CSRP2: variants seen among roughly 807,000 people sequenced by gnomAD.
The protein encoded by CSRP2 is cysteine and glycine-rich protein 2.
Under a neutral mutation model 24.6 loss-of-function variants are expected in CSRP2, and 18 were observed. That is an observed-to-expected ratio of 0.73 (90% CI 0.51 to 1.09). The LOEUF (loss-of-function observed/expected upper bound fraction) is 1.09, where lower values mean the gene tolerates loss of function less well. Ranked by LOEUF, CSRP2 falls within the 50% of genes least tolerant of loss-of-function variation. CSRP2 has a pLI of 0.00. For missense variants in CSRP2, 215 were observed against 239.4 expected, an observed-to-expected ratio of 0.90 and a Z score of 0.67; for synonymous variants, 87 against 84.3, an observed-to-expected ratio of 1.03 and a Z score of -0.18.
intron 1 of CSRP2, among the ~76,000 whole-genome samples, chr12:76,873,974 AG>A (rs1953827312): frequency 6.6e-6 from 1 of 152,224 alleles, no homozygotes; most frequent in South Asian, 2.1e-4. Flanking sequence ...TTCATAAGCC[AG>A]GTACTGGGTT....
chr12:76,877,257 T>C (rs1953861690), intron 1 of CSRP2, among the ~76,000 whole-genome samples: 1 of 152,248 alleles, frequency 6.6e-6, no homozygotes, highest in Non-Finnish European at 1.5e-5. Flanking sequence ...ATTCTTGCTG[T>C]TTTAGGATAA....
Position 76,863,178 on chromosome 12 carries a change from C to T in CSRP2, c.279G>A (p.Glu93=), listed in dbSNP as rs1257215487. Residue 93 remains glutamate (E), a splice_region_variant and synonymous_variant, in exon 3 of 6, where the codon GAG becomes GAA. Coordinates refer to ENST00000311083, the MANE Select transcript of CSRP2 (RefSeq NM_001321.3). ...TAACCAACGGTCTCCCAACTCACCT[C>T]TCTGGTTTGATGCCCAGCCTCTCGC... ...DRGERLGIKP[E]SVQPHRPTTN... 6.2e-7 allele frequency: 1 copy of T among 1,612,028 alleles called. No individual in the cohort carries two copies. Among genetic ancestry groups the T allele is most frequent in the African/African-American group, 1.3e-5 (1 of 74,894 alleles).
At chr12:76,861,343 C>A (rs889907452) in intron 3 of CSRP2, 1 of 135,178 alleles carries the variant, frequency 7.4e-6, no homozygotes, top group African/African-American at 2.8e-5. Flanking sequence ...ATAGCAAGAC[C>A]CTGTCTATAT....
chr12:76,866,853 C>T (rs533431404), intron 1 of CSRP2, among the ~76,000 whole-genome samples: 52 of 152,164 alleles, frequency 3.4e-4, no homozygotes, highest in Non-Finnish European at 1.6e-4. Flanking sequence ...GTCTGTGACT[C>T]GTACAACTGC....
chr12:76,877,033 GA>G (rs1388016003), intron 1 of CSRP2, among the ~76,000 whole-genome samples: 4 of 152,228 alleles, frequency 2.6e-5, no homozygotes, highest in Non-Finnish European at 5.9e-5. Flanking sequence ...GTTGAGGTGT[GA>G]ATTTGGTCCT....
chr12:76,873,005 GA>G (rs1470895256), intron 1 of CSRP2, among the ~76,000 whole-genome samples: 1 of 152,162 alleles, frequency 6.6e-6, no homozygotes, highest in African/African-American at 2.4e-5. Flanking sequence ...TCTTACTTTA[GA>G]ATCAGAATGA....
Position 76,875,308 on chromosome 12 carries a change from T to G in CSRP2, c.-2+3630A>C, listed in dbSNP as rs190239428. ...GAAGGAAAACTCTCTTCTAATCTAG[T>G]GAACACTCCTGTGTGTACCTCAGCC... On this transcript the variant is annotated intron_variant, in intron 1 of 5. Transcript: ENST00000311083. 5.9e-5 allele frequency among the ~76,000 whole-genome samples: 9 copies of G among 152,324 alleles called. No individual in the cohort carries two copies. The East Asian group carries it at 1.7e-3, about 29-fold the overall frequency.
At chr12:76,877,046 C>T (rs1299101922) in intron 1 of CSRP2, among the ~76,000 whole-genome samples, 1 of 152,238 alleles carries the variant, frequency 6.6e-6, no homozygotes, top group African/African-American at 2.4e-5. Flanking sequence ...TTTGGTCCTG[C>T]CTGGCTTCGT....
intron 2 of CSRP2, 45 bp downstream of exon 2, chr12:76,866,102 CTG>C: frequency 7.0e-7 from 1 of 1,422,960 alleles, no homozygotes; most frequent in Non-Finnish European, 9.9e-7. Flanking sequence ...TATTGAAGCT[CTG>C]TACATACAAA....
intron 2 of CSRP2, chr12:76,863,827 A>ACC (rs201726327): frequency 0.16 from 24,659 of 152,772 alleles, 2,260 homozygotes; most frequent in Non-Finnish European, 0.2. Flanking sequence ...TCACAACCTA[A>ACC]TACAGAACAG....
In CSRP2 at chr12:76,863,193, C is replaced by T. The variant is rs746387233; in HGVS notation, c.264G>A (p.Leu88=). The T allele has an allele frequency of 3.9e-5, 63 of 1,613,258 alleles. No homozygotes were observed. The highest frequency in any genetic ancestry group is 5.0e-5 in the Non-Finnish European group (59 of 1,179,452). Residue 88 remains leucine, a synonymous_variant, in exon 3 of 6, where the codon CTG becomes CTA. Coordinates refer to ENST00000311083, the MANE Select transcript of CSRP2 (RefSeq NM_001321.3). The part of the protein sequence containing the change: ...GTLNMDRGER[L]GIKPESVQPH... ...CAACTCACCTCTCTGGTTTGATGCC[C>T]AGCCTCTCGCCACGGTCCATGTTAA... is the stretch of plus-strand genomic sequence containing the variant.
At chr12:76,878,838 G>T (rs993434717) in intron 1 of CSRP2, 100 bp downstream of exon 1, 1 of 152,262 alleles carries the variant, frequency 6.6e-6, no homozygotes, top group African/African-American at 2.4e-5. Flanking sequence ...GGGGCGCGCC[G>T]GCCGGGCGAC....
In CSRP2 at chr12:76,858,819, G is replaced by A. The variant is rs958679371; in HGVS notation, c.*133C>T. ...GTGCTCTCTTCCTACGAGTTAGCCAGCCTATCCAAGTACAGGGCGATATAC... is the reference window on the plus strand; with the variant it reads ...GTGCTCTCTTCCTACGAGTTAGCCAACCTATCCAAGTACAGGGCGATATAC... On this transcript the variant is annotated 3_prime_UTR_variant, in exon 6 of 6. Coordinates refer to ENST00000311083, the MANE Select transcript of CSRP2 (RefSeq NM_001321.3). 9 of 739,656 alleles carry A rather than the reference G, an allele frequency of 1.2e-5. No homozygotes were observed. In the African/African-American group the frequency reaches 1.4e-4, roughly 11 times the overall value. 45.8% of individuals were successfully genotyped at this position (739,656 alleles called of 1,614,324 possible). A position where few individuals can be genotyped will look rare whatever the true frequency, so the allele number is the denominator to read the frequency against.
At chr12:76,865,998 T>C in intron 2 of CSRP2, 151 bp downstream of exon 2, 1 of 627,816 alleles carries the variant, frequency 1.6e-6, no homozygotes, top group African/African-American at 1.8e-5. Context: ...CTGCTAGGCT[T>C]GGCATTTACA....
intron 5 of CSRP2, 130 bp from the exon 6 acceptor site, chr12:76,859,158 T>G: frequency 2.8e-6 from 2 of 718,084 alleles, no homozygotes; most frequent in Non-Finnish European, 4.9e-6. Flanking sequence ...TTTAAGATGT[T>G]AAATGTGTCA....
intron 1 of CSRP2, among the ~76,000 whole-genome samples, chr12:76,870,656 G>A (rs1250369952): frequency 6.6e-6 from 1 of 151,806 alleles, no homozygotes; most frequent in Non-Finnish European, 1.5e-5. Flanking sequence ...GGGAAATGAT[G>A]TAACAAAAGA....
chr12:76,859,704 A>G (rs2137820619), intron 4 of CSRP2, 64 bp from the exon 5 acceptor site: 1 of 1,255,080 alleles, frequency 8.0e-7, no homozygotes, highest in East Asian at 2.4e-5. Context: ...ATTTAGATGT[A>G]TGGCAAGAAG....
chr12:76,872,491 C>T (rs981552744), intron 1 of CSRP2, among the ~76,000 whole-genome samples: 2 of 152,232 alleles, frequency 1.3e-5, no homozygotes, highest in East Asian at 3.9e-4. Flanking sequence ...TATGCAAATG[C>T]AGGCCATGTG....
intron 2 of CSRP2, chr12:76,864,739 ATTATC>A (rs1953718553): frequency 6.6e-6 from 1 of 152,152 alleles, no homozygotes; most frequent in Admixed American, 6.5e-5. Context: ...AATTTAGTCT[ATTATC>A]TTAAACTAAA....
Sources: gnomAD v4.1 joint callset for allele counts (sites outside exome capture counted in the v4.1 genomes callset) on GRCh38, gnomAD v4.1.1 for gene constraint, MANE v1.5 for transcripts, NCBI Gene and HGNC (gene_info 2026-07-23, HGNC 2026-07-21) for gene names.